Variants in GLI3 observed in about 807,000 individuals in gnomAD.
The protein encoded by GLI3 is transcription activator GLI3.
GLI3 carries 20 observed loss-of-function variants against 100.8 expected under a neutral mutation model. The ratio of observed to expected loss-of-function variants is 0.20; its 90% CI spans 0.14 to 0.29. The LOEUF is 0.29. GLI3 is among the 10% of genes least tolerant of loss of function. The pLI is 1.00. For synonymous variants in GLI3, 938 were observed against 860.5 expected (o/e 1.09, Z -1.58); for missense variants, 2,040 against 2,128.5 (o/e 0.96, Z 0.82).
At chr7:42,225,080 T>G (rs4724100) in intron 1 of GLI3, among the ~76,000 whole-genome samples, 1 of 152,086 alleles carries the variant, frequency 6.6e-6, no homozygotes, top group African/African-American at 2.4e-5. Context: ...CTTCTAGCTC[T>G]AACAATCTCA....
chr7:42,156,405 G>A (rs970382228), intron 2 of GLI3, among the ~76,000 whole-genome samples: 1 of 152,166 alleles, frequency 6.6e-6, no homozygotes, highest in African/African-American at 2.4e-5. Context: ...CTTTTGCTTG[G>A]TAGCACATTT....
rs1283255038 is a variant in GLI3 at position 42,254,368 on chromosome 7, T to C, written c.-43+9626A>G. Among the ~76,000 whole-genome samples, 4 of 152,022 alleles carry C rather than the reference T, an allele frequency of 2.6e-5. No homozygotes were observed. In the East Asian group the frequency reaches 7.7e-4, roughly 29 times the overall value. Reference sequence around the variant, plus strand: ...CATAGCGAAAGAGTGGCCAAAAATATAGAAGAAAATCCTATCTTTATAGGT... The same window carrying C: ...CATAGCGAAAGAGTGGCCAAAAATACAGAAGAAAATCCTATCTTTATAGGT... On this transcript the variant is annotated intron_variant, in intron 1 of 2. Transcript: ENST00000678978.
rs143835180 is a variant in GLI3, at chr7:42,002,005, C to T, written c.1497+21463G>A. 2.5e-3 allele frequency among the ~76,000 whole-genome samples: 381 copies of T among 152,098 alleles called. 1 individual carries two copies. Among genetic ancestry groups the T allele is most frequent in the African/African-American group, 8.4e-3 (347 of 41,492 alleles). ...AAGCAAAAACACTATTTTTAAAACA[C>T]TGTGTTTACTTCCAAATTGACCATG... On this transcript the variant is annotated intron_variant, in intron 10 of 14. Transcript: ENST00000395925.
At chr7:41,997,344 C>A (rs904054028) in intron 10 of GLI3, among the ~76,000 whole-genome samples, 1 of 152,056 alleles carries the variant, frequency 6.6e-6, no homozygotes, top group African/African-American at 2.4e-5. Flanking sequence ...TATGTGGTGG[C>A]TGGACTTTAC....
intron 2 of GLI3, among the ~76,000 whole-genome samples, chr7:42,178,339 G>A (rs905085263): frequency 3.3e-5 from 5 of 152,140 alleles, no homozygotes; most frequent in East Asian, 1.9e-4. Context: ...AGATGCAGGC[G>A]CTTAATTCCA....
At chr7:42,072,251 T>C (rs1784797838) in intron 4 of GLI3, among the ~76,000 whole-genome samples, 1 of 152,156 alleles carries the variant, frequency 6.6e-6, no homozygotes, top group Non-Finnish European at 1.5e-5. Context: ...CAGATCTCAG[T>C]ATGAAACAGA....
intron 2 of GLI3, among the ~76,000 whole-genome samples, chr7:42,189,320 A>G (rs1182932493): frequency 6.6e-6 from 1 of 152,218 alleles, no homozygotes; most frequent in Non-Finnish European, 1.5e-5. Context: ...AAAATCCTAA[A>G]CACATTCACA....
At chr7:42,006,961 G>T (rs1301300604) in intron 10 of GLI3, among the ~76,000 whole-genome samples, 1 of 152,042 alleles carries the variant, frequency 6.6e-6, no homozygotes, top group African/African-American at 2.4e-5. Context: ...AACAGGGTTG[G>T]GTCATTTCTC....
At chr7:41,993,142 C>G (rs1335384248) in intron 10 of GLI3, among the ~76,000 whole-genome samples, 1 of 151,964 alleles carries the variant, frequency 6.6e-6, no homozygotes, top group Non-Finnish European at 1.5e-5. Context: ...GACAAAGTGT[C>G]CGGCAAGAAA....
At chr7:42,185,185 C>T (rs1787694491) in intron 2 of GLI3, among the ~76,000 whole-genome samples, 1 of 152,190 alleles carries the variant, frequency 6.6e-6, no homozygotes, top group African/African-American at 2.4e-5. Flanking sequence ...AAGCTGGCAC[C>T]CAGGGCTCTT....
intron 3 of GLI3, among the ~76,000 whole-genome samples, chr7:42,112,492 A>T (rs1053849325): frequency 9.9e-5 from 15 of 152,196 alleles, no homozygotes; most frequent in African/African-American, 3.6e-4. Context: ...TGTTCCTAAC[A>T]CAAAGAAATG....
chr7:41,993,592 T>A (rs1788045696), intron 10 of GLI3, among the ~76,000 whole-genome samples: 1 of 152,148 alleles, frequency 6.6e-6, no homozygotes, highest in Non-Finnish European at 1.5e-5. Context: ...CAGCCAGGGA[T>A]TTTTATCAGT....
At chr7:42,006,206 G>A (rs542599550) in intron 10 of GLI3, among the ~76,000 whole-genome samples, 1 of 152,338 alleles carries the variant, frequency 6.6e-6, no homozygotes, top group East Asian at 1.9e-4. Flanking sequence ...TCTGTTGTCT[G>A]CCAGACTTCA....
intron 10 of GLI3, among the ~76,000 whole-genome samples, chr7:42,010,783 A>T (rs1788590494): frequency 6.6e-6 from 1 of 152,224 alleles, no homozygotes; most frequent in African/African-American, 2.4e-5. Context: ...GTGTATGAGG[A>T]AACTGATTAA....
chr7:42,156,675 A>G (rs1787011780), intron 2 of GLI3, among the ~76,000 whole-genome samples: 1 of 152,164 alleles, frequency 6.6e-6, no homozygotes, highest in African/African-American at 2.4e-5. Context: ...GAATGATCCT[A>G]TCACTCTGGA....
intron 3 of GLI3, among the ~76,000 whole-genome samples, chr7:42,084,402 T>C (rs1245755721): frequency 6.6e-6 from 1 of 152,226 alleles, no homozygotes; most frequent in Non-Finnish European, 1.5e-5. Context: ...TTCTAACTTC[T>C]TCTGTCCGTA....
intron 3 of GLI3, among the ~76,000 whole-genome samples, chr7:42,094,567 C>A (rs1785296825): frequency 6.6e-6 from 1 of 151,948 alleles, no homozygotes; most frequent in Admixed American, 6.6e-5. Context: ...GAAACCCCAT[C>A]TCTACTAAAA....
At chr7:41,997,853 T>TTTCATTG (rs1788169606) in intron 10 of GLI3, among the ~76,000 whole-genome samples, 1 of 152,136 alleles carries the variant, frequency 6.6e-6, no homozygotes, top group Non-Finnish European at 1.5e-5. Flanking sequence ...TTTCCTCATA[T>TTTCATTG]TTCATTGTAG....
chr7:42,084,213 T>C (rs1334101136), intron 3 of GLI3, among the ~76,000 whole-genome samples: 3 of 152,244 alleles, frequency 2.0e-5, no homozygotes, highest in Non-Finnish European at 4.4e-5. Context: ...TTCATCCTTT[T>C]TTTTAAACAG....
Sources: allele counts gnomAD v4.1 joint callset (sites outside exome capture counted in the v4.1 genomes callset), GRCh38; gene constraint gnomAD v4.1.1; transcripts MANE v1.5; gene names NCBI Gene and HGNC (gene_info 2026-07-23, HGNC 2026-07-21).